Variants in F8 observed in about 807,000 individuals in gnomAD.
F8 encodes the protein coagulation factor VIII, also known as antihemophilic factor.
Under a neutral mutation model 140.6 loss-of-function variants are expected in F8, and 12 were observed. That is an observed-to-expected ratio of 0.09 (90% confidence interval 0.05 to 0.14). The LOEUF (loss-of-function observed/expected upper bound fraction) is 0.14, where lower values mean the gene tolerates loss of function less well. F8 is among the 10% of genes least tolerant of loss of function. The pLI, the probability that F8 is intolerant of heterozygous loss-of-function variation, is 1.00. For missense variants in F8, 1,354 were observed against 1,720.7 expected (o/e 0.79, Z 3.77); for synonymous variants, 585 against 614.6 (o/e 0.95, Z 0.71).
At chrX:154,933,373 G>A (rs782291914) in intron 13 of F8, among the ~76,000 whole-genome samples, 3 of 111,863 alleles carry the variant, frequency 2.7e-5, no homozygotes, top group Non-Finnish European at 5.6e-5. Flanking sequence ...AAGCTATCTG[G>A]CCAAGTTGGG....
chrX:155,012,962 C>T lies in F8; in HGVS notation c.143+9448G>A, dbSNP rs1199691128. Among the ~76,000 whole-genome samples the T allele has an allele frequency of 3.7e-5, 4 of 108,352 alleles. 1 individual carries two copies. The highest frequency in any genetic ancestry group is 9.8e-5 in the Admixed American group (1 of 10,193). 94.1% of individuals were successfully genotyped at this position (108,352 alleles called of 115,157 possible). A position where few individuals can be genotyped will look rare whatever the true frequency, so the allele number is the denominator to read the frequency against. On this transcript the variant is annotated intron_variant, in intron 1 of 25. Transcript: ENST00000360256. Reference sequence around the variant, plus strand: ...GAGATCGAGACTATCCTGGCTAACACGGTGAAACCCCGTCTCTACTATCAG... The same window carrying T: ...GAGATCGAGACTATCCTGGCTAACATGGTGAAACCCCGTCTCTACTATCAG...
At chrX:154,990,875 G>A (rs1434853476) in intron 4 of F8, among the ~76,000 whole-genome samples, 1 of 111,550 alleles carries the variant, frequency 9.0e-6, no homozygotes, top group Admixed American at 9.5e-5. Context: ...AACTTTATGG[G>A]TTTACTTTCC....
chrX:154,976,330 T>C (rs1037567259), intron 6 of F8, among the ~76,000 whole-genome samples: 2 of 112,213 alleles, frequency 1.8e-5, no homozygotes, highest in African/African-American at 3.2e-5. Context: ...TGTGTGTCCT[T>C]ACAGGTAAAG....
chrX:154,928,754 T>C lies in F8; in HGVS notation c.5036A>G (p.Glu1679Gly). The C allele has an allele frequency of 8.3e-7, 1 of 1,211,547 alleles. No individual in the cohort carries two copies. Among genetic ancestry groups the C allele is most frequent in the South Asian group, 1.8e-5 (1 of 56,923 alleles). The change falls in exon 14 of 26, where the codon GAG (glutamate) becomes GGG (glycine). Residue 1679 changes from glutamate (E) to glycine (G), a missense_variant. By Grantham distance (98) the Glu-to-Gly change is moderately conservative. Coordinates refer to ENST00000360256, the MANE Select transcript of F8 (RefSeq NM_000132.4). ...ITRTTLQSDQ[E>G]EIDYDDTISV... ...TATGGTATCATCATAGTCAATTTCC[T>C]CTTGATCTGACTGAAGAGTAGTACG...
At chrX:154,992,139 A>G (rs1254877528) in intron 4 of F8, among the ~76,000 whole-genome samples, 1 of 111,990 alleles carries the variant, frequency 8.9e-6, no homozygotes, top group Non-Finnish European at 1.9e-5. Context: ...TTTCAGCTCT[A>G]GCCACTGTTT....
intron 14 of F8, among the ~76,000 whole-genome samples, chrX:154,926,364 T>C (rs1557278076): frequency 1.3e-4 from 15 of 111,409 alleles, no homozygotes; most frequent in Non-Finnish European, 2.8e-4. Flanking sequence ...ATAACTGAAA[T>C]AGGGAATGGT....
At chrX:154,861,952 T>TAC (rs2072695205) in intron 23 of F8, 86 bp from the exon 24 acceptor site, 1 of 957,682 alleles carries the variant, frequency 1.0e-6, no homozygotes, top group Non-Finnish European at 1.5e-6. Context: ...ATTCTAGGGC[T>TAC]ACTGTCATCA....
chrX:154,981,304 C>T (rs1020014465), intron 6 of F8, among the ~76,000 whole-genome samples: 2 of 110,525 alleles, frequency 1.8e-5, no homozygotes, highest in African/African-American at 3.3e-5. Flanking sequence ...GGTAATTTCA[C>T]GCATCGAGTT....
intron 25 of F8, among the ~76,000 whole-genome samples, chrX:154,852,904 A>T (rs183916125): frequency 1.3e-4 from 15 of 111,770 alleles, no homozygotes; most frequent in African/African-American, 4.6e-4. Flanking sequence ...AAACAAAAAA[A>T]CCCAGAATGC....
intron 1 of F8, among the ~76,000 whole-genome samples, chrX:155,003,027 T>G (rs781790986): frequency 2.1e-4 from 23 of 111,797 alleles, no homozygotes; most frequent in Non-Finnish European, 4.0e-4. Flanking sequence ...CAGTACATCA[T>G]GTCCACCTTT....
intron 22 of F8, among the ~76,000 whole-genome samples, chrX:154,894,409 C>A (rs192148375): frequency 1.1e-5 from 1 of 87,988 alleles, no homozygotes; most frequent in African/African-American, 4.2e-5. Flanking sequence ...AACACTCACA[C>A]TTGGAGGCCC....
intron 25 of F8, among the ~76,000 whole-genome samples, chrX:154,858,966 G>A (rs1179549454): frequency 1.8e-5 from 2 of 112,194 alleles, no homozygotes; most frequent in African/African-American, 6.5e-5. Flanking sequence ...GATTAACATC[G>A]AAGTCAGTAG....
Position 154,989,313 on chromosome X carries a change from G to A in F8, c.602-2008C>T, listed in dbSNP as rs1171328561. 1.9e-4 allele frequency among the ~76,000 whole-genome samples: 21 copies of A among 111,406 alleles called. No homozygotes were observed. In the Admixed American group the frequency reaches 2.0e-3, roughly 11 times the overall value. On this transcript the variant is annotated intron_variant, in intron 4 of 25. Transcript: ENST00000360256. ...TCTATAACTTTTAACAAAGATATAA[G>A]CTCATGAAACCCCATCATCGTCAAG...
intron 25 of F8, among the ~76,000 whole-genome samples, chrX:154,844,791 C>T (rs1476836344): frequency 9.0e-6 from 1 of 110,534 alleles, no homozygotes; most frequent in African/African-American, 3.3e-5. Flanking sequence ...ATTTCTTTCT[C>T]CTGCCTGATT....
chrX:154,924,993 G>A (rs2073152545), intron 14 of F8, among the ~76,000 whole-genome samples: 1 of 112,302 alleles, frequency 8.9e-6, no homozygotes, highest in South Asian at 3.7e-4. Context: ...GGTGATGGGA[G>A]GGGCTGGTGT....
chrX:154,982,632 T>C (rs1557283843), intron 6 of F8, among the ~76,000 whole-genome samples: 1 of 110,545 alleles, frequency 9.0e-6, no homozygotes, highest in Non-Finnish European at 1.9e-5. Flanking sequence ...TTGGGACAAA[T>C]GTAAACAAAC....
intron 23 of F8, 61 bp from the exon 24 acceptor site, chrX:154,861,927 GCA>G: frequency 8.9e-7 from 1 of 1,123,808 alleles, no homozygotes; most frequent in Non-Finnish European, 1.2e-6. Context: ...GTTATACTGA[GCA>G]GCTTCCACTG....
intron 14 of F8, among the ~76,000 whole-genome samples, chrX:154,913,674 A>G (rs782085290): frequency 8.5e-4 from 96 of 112,948 alleles, no homozygotes; most frequent in African/African-American, 2.9e-3. Context: ...TTAAACCTGA[A>G]AGTTCCAAAA....
intron 25 of F8, among the ~76,000 whole-genome samples, chrX:154,845,289 G>A (rs2148559331): frequency 8.9e-6 from 1 of 111,761 alleles, no homozygotes; most frequent in East Asian, 2.8e-4. Context: ...TTTGGTATCA[G>A]GATGATGCTG....
Sources: allele counts gnomAD v4.1 joint callset (sites outside exome capture counted in the v4.1 genomes callset), GRCh38; gene constraint gnomAD v4.1.1; transcripts MANE v1.5; gene names NCBI Gene and HGNC (gene_info 2026-07-23, HGNC 2026-07-21).